The following CNDP2 variants were observed in gnomAD, a reference collection of about 807,000 sequenced individuals.
CNDP2 encodes carnosine dipeptidase 2.
In CNDP2, 38 loss-of-function variants were observed where a neutral mutation model predicts 55.0. That is an observed-to-expected ratio of 0.69 (90% CI 0.53 to 0.90). CNDP2 has a LOEUF of 0.90. Ranked by LOEUF, CNDP2 falls within the 40% of genes least tolerant of loss-of-function variation. The pLI, the probability that CNDP2 is intolerant of heterozygous loss-of-function variation, is 0.00. For synonymous variants in CNDP2, 241 were observed against 260.2 expected (o/e 0.93, Z 0.71); for missense variants, 607 against 621.7 (o/e 0.98, Z 0.25).
Position 74,496,687 on chromosome 18 carries a change from C to T in CNDP2, c.-93+256C>T, listed in dbSNP as rs113479206. On this transcript the variant is annotated intron_variant, in intron 1 of 11. Coordinates refer to ENST00000324262, the MANE Select transcript of CNDP2 (RefSeq NM_018235.3). ...ACTCGTGTCCCAGCAGCGCCGAGCGCGTCCCCGGTACGCAGGGACAAGCTG... is the reference window on the plus strand; with the variant it reads ...ACTCGTGTCCCAGCAGCGCCGAGCGTGTCCCCGGTACGCAGGGACAAGCTG... 1.3e-5 allele frequency among the ~76,000 whole-genome samples: 2 copies of T among 152,320 alleles called. 1 individual carries two copies. The highest frequency in any genetic ancestry group is 4.8e-5 in the African/African-American group (2 of 41,584).
chr18:74,508,148 C>T (rs1474942900), intron 4 of CNDP2: 1 of 152,298 alleles, frequency 6.6e-6, no homozygotes, highest in African/African-American at 2.4e-5. Flanking sequence ...GGACGGCTCC[C>T]TCCTCTGGTT....
chr18:74,499,896 T>G lies in CNDP2; in HGVS notation c.-78T>G. 1 of 1,337,800 alleles carries G rather than the reference T, an allele frequency of 7.5e-7. No homozygotes were observed. The highest frequency in any genetic ancestry group is 2.0e-5 in the Admixed American group (1 of 51,030). The allele number at this position is 1,337,800 out of a possible 1,614,324, so 82.9% of individuals were successfully genotyped here. On this transcript the variant is annotated 5_prime_UTR_variant, in exon 2 of 12. Transcript: ENST00000324262. Reference sequence around the variant, plus strand: ...TTTCTGGGCAGGTCGCCCCTCAGTCTCCACTAGAGACAGGACTGACCAGTT... The same window carrying G: ...TTTCTGGGCAGGTCGCCCCTCAGTCGCCACTAGAGACAGGACTGACCAGTT...
At position 74,520,099 on chromosome 18, in the gene CNDP2, G is replaced by A. The variant is rs111384710; in HGVS notation, c.*31G>A. On this transcript the variant is annotated 3_prime_UTR_variant, in exon 12 of 12. Transcript: ENST00000324262. ...GCCCTCTGTGTGCCATCTCCAATGA[G>A]AAGGAATCCTGCCCTCACCTCACCC... 5.5e-3 allele frequency: 8,827 copies of A among 1,609,318 alleles called. 336 individuals carry two copies. In the East Asian group the frequency reaches 0.089, roughly 16 times the overall value.
chr18:74,512,384 T>C, intron 6 of CNDP2, 64 bp from the exon 7 acceptor site: 1 of 1,414,320 alleles, frequency 7.1e-7, no homozygotes, highest in South Asian at 1.2e-5. Flanking sequence ...TTGAATTTAC[T>C]GTCACATGAT....
At chr18:74,508,807 A>G (rs760800976) in intron 4 of CNDP2, 33 bp from the exon 5 acceptor site, 2 of 1,581,744 alleles carry the variant, frequency 1.3e-6, no homozygotes, top group South Asian at 2.2e-5. Context: ...CCTTGTAATC[A>G]TCACTTTATG....
intron 8 of CNDP2, among the ~76,000 whole-genome samples, chr18:74,515,945 G>A (rs950216248): frequency 6.6e-6 from 1 of 152,230 alleles, no homozygotes; most frequent in Non-Finnish European, 1.5e-5. Flanking sequence ...GGCCAGCGTG[G>A]CTCGCCTAGT....
chr18:74,513,186 G>C (rs998011327), intron 7 of CNDP2, among the ~76,000 whole-genome samples: 1 of 152,242 alleles, frequency 6.6e-6, no homozygotes, highest in African/African-American at 2.4e-5. Flanking sequence ...GTGGGGCTGC[G>C]TGAAGCCAGT....
rs144157993 is a variant in CNDP2, at chr18:74,520,033, G to T, written c.1393G>T (p.Ala465Ser). 2 of 1,614,030 alleles carry T rather than the reference G, an allele frequency of 1.2e-6. No homozygotes were observed. Among genetic ancestry groups the T allele is most frequent in the Non-Finnish European group, 1.7e-6 (2 of 1,180,026 alleles). Reference protein sequence around the residue: ...NYIEGTKMLAAYLYEVSQLKD With the variant: ...NYIEGTKMLASYLYEVSQLKD ...CATAGAGGGAACCAAGATGCTGGCC[G>T]CGTACCTGTATGAGGTCTCCCAGCT... Residue 465 changes from alanine (A) to serine (S), a missense_variant, in exon 12 of 12, where the codon GCG becomes TCG. Ala to Ser is a moderately conservative substitution (Grantham distance 99). Coordinates refer to ENST00000324262, the MANE Select transcript of CNDP2 (RefSeq NM_018235.3).
At chr18:74,503,667 G>A (rs1314341675) in intron 3 of CNDP2, among the ~76,000 whole-genome samples, 2 of 152,264 alleles carry the variant, frequency 1.3e-5, no homozygotes, top group African/African-American at 4.8e-5. Flanking sequence ...GGGTTCCCTG[G>A]GACCAGAGCA....
chr18:74,501,235 G>A (rs540329549), intron 2 of CNDP2, 94 bp from the exon 3 acceptor site: 1 of 1,507,152 alleles, frequency 6.6e-7, no homozygotes, highest in East Asian at 2.3e-5. Context: ...AGCAGCCACA[G>A]AGGGTGAGCC....
At chr18:74,500,222 A>T (rs1302286108) in intron 2 of CNDP2, among the ~76,000 whole-genome samples, 189 bp downstream of exon 2, 1 of 152,224 alleles carries the variant, frequency 6.6e-6, no homozygotes, top group East Asian at 1.9e-4. Context: ...GTGTTAATGT[A>T]TGTTTCTAAG....
At chr18:74,518,886 G>A in intron 10 of CNDP2, 63 bp from the exon 11 acceptor site, 1 of 1,604,810 alleles carries the variant, frequency 6.2e-7, no homozygotes, top group Non-Finnish European at 8.5e-7. Flanking sequence ...GTAGTGGTCT[G>A]AGACAGATCC....
In CNDP2 at chr18:74,518,945, C is replaced by CA. The variant is rs757275631; in HGVS notation, c.1211-4_1211-3insA. 2 of 1,613,902 alleles carry CA rather than the reference C, an allele frequency of 1.2e-6. No individual in the cohort carries two copies. Among genetic ancestry groups the CA allele is most frequent in the East Asian group, 4.5e-5 (2 of 44,866 alleles). ...ACCGTTTATTTTATTTCATTTCCCCCCAGTTTTTGGTGTTGAGCCAGACTT... is the reference window on the plus strand; with the variant it reads ...ACCGTTTATTTTATTTCATTTCCCCCACAGTTTTTGGTGTTGAGCCAGACTT... On this transcript the variant is annotated splice_region_variant and splice_polypyrimidine_tract_variant and intron_variant, in intron 10 of 11. Transcript: ENST00000324262.
At chr18:74,516,961 C>T (rs1979706466) in intron 9 of CNDP2, 1 of 151,264 alleles carries the variant, frequency 6.6e-6, no homozygotes, top group Non-Finnish European at 1.5e-5. Flanking sequence ...CAGGCTGCCA[C>T]AATAAAGACC....
chr18:74,511,087 C>T, intron 6 of CNDP2, 74 bp downstream of exon 6: 1 of 1,310,542 alleles, frequency 7.6e-7, no homozygotes, highest in Non-Finnish European at 1.1e-6. Flanking sequence ...GCAAAGTAGA[C>T]AAGGACCCAG....
rs1308009179 is a variant in CNDP2 at position 74,508,820 on chromosome 18, T to G, written c.368-20T>G. On this transcript the variant is annotated intron_variant, in intron 4 of 11. Transcript: ENST00000324262. ...TTCCTTGTAATCATCACTTTATGAA[T>G]TTGTGGATTGCTGTTCTAGGCAAGC... is the stretch of plus-strand genomic sequence containing the variant. 6.2e-7 allele frequency: 1 copy of G among 1,606,016 alleles called. No homozygotes were observed. The highest frequency in any genetic ancestry group is 1.3e-5 in the African/African-American group (1 of 74,920).
At chr18:74,513,352 C>T (rs1979460783) in intron 7 of CNDP2, among the ~76,000 whole-genome samples, 1 of 152,080 alleles carries the variant, frequency 6.6e-6, no homozygotes, top group African/African-American at 2.4e-5. Flanking sequence ...CCGGACGGTG[C>T]CTGACAGGCG....
At chr18:74,517,319 C>A (rs566788611) in intron 9 of CNDP2, 1 of 152,304 alleles carries the variant, frequency 6.6e-6, no homozygotes, top group Admixed American at 6.5e-5. Flanking sequence ...GGCCCGGGGC[C>A]CAGGAGCAGC....
chr18:74,519,933 G>A (rs1259842671), intron 11 of CNDP2, 66 bp from the exon 12 acceptor site: 1 of 1,474,366 alleles, frequency 6.8e-7, no homozygotes, highest in East Asian at 2.3e-5. Context: ...CTCGGGAGGA[G>A]TCACCCCACA....
Sources: gnomAD v4.1 joint callset for allele counts (sites outside exome capture counted in the v4.1 genomes callset) on GRCh38, gnomAD v4.1.1 for gene constraint, MANE v1.5 for transcripts, NCBI Gene and HGNC (gene_info 2026-07-23, HGNC 2026-07-21) for gene names.